The following ADGRB3 variants were observed in gnomAD, a reference collection of about 807,000 sequenced individuals.
ADGRB3 encodes the protein adhesion G protein-coupled receptor B3, also known as brain-specific angiogenesis inhibitor 3.
A neutral mutation model predicts 193.4 loss-of-function variants in ADGRB3; 37 were observed. The ratio of observed to expected loss-of-function variants is 0.19; its 90% CI spans 0.15 to 0.25. The LOEUF is 0.25. Ranked by LOEUF, ADGRB3 falls within the 10% of genes least tolerant of loss-of-function variation. ADGRB3 has a pLI of 1.00. For missense variants in ADGRB3, 1,637 were observed against 1,852.9 expected (o/e 0.88, Z 2.14); for synonymous variants, 690 against 644.2 (o/e 1.07, Z -1.08).
At chr6:68,962,030 T>G (rs944403595) in intron 8 of ADGRB3, among the ~76,000 whole-genome samples, 2 of 152,170 alleles carry the variant, frequency 1.3e-5, no homozygotes, top group Admixed American at 6.6e-5. Flanking sequence ...TACTCAAGTG[T>G]CCATACCAGT....
chr6:69,331,672 T>C, intron 23 of ADGRB3: 2 of 985,396 alleles, frequency 2.0e-6, no homozygotes, highest in Non-Finnish European at 2.4e-6. Context: ...CTGCTTTGAA[T>C]TTTTATTTAA....
At chr6:68,918,626 A>G (rs1021252427) in intron 3 of ADGRB3, among the ~76,000 whole-genome samples, 16 of 152,188 alleles carry the variant, frequency 1.1e-4, no homozygotes, top group Admixed American at 1.0e-3. Flanking sequence ...CTAGAAATTC[A>G]ACATCCTCTT....
At chr6:68,950,923 T>C (rs1767899263) in intron 6 of ADGRB3, among the ~76,000 whole-genome samples, 1 of 152,172 alleles carries the variant, frequency 6.6e-6, no homozygotes, top group Non-Finnish European at 1.5e-5. Flanking sequence ...TTCTTTTCTT[T>C]AAAATCTTTT....
At chr6:68,794,994 T>C (rs1032486726) in intron 3 of ADGRB3, among the ~76,000 whole-genome samples, 1 of 152,132 alleles carries the variant, frequency 6.6e-6, no homozygotes, top group Admixed American at 6.6e-5. Context: ...ACTATTATTT[T>C]TAACCATAAT....
At chr6:69,206,268 T>A (rs180729897) in intron 17 of ADGRB3, among the ~76,000 whole-genome samples, 107 of 151,946 alleles carry the variant, frequency 7.0e-4, no homozygotes, top group Non-Finnish European at 1.3e-4. Flanking sequence ...TTTTCTCATT[T>A]TTCTGCCTGC....
intron 23 of ADGRB3, chr6:69,332,492 T>C: frequency 1.0e-6 from 1 of 985,358 alleles, no homozygotes; most frequent in Non-Finnish European, 1.2e-6. Context: ...TAATGACAAA[T>C]CATCAGCACC....
chr6:69,073,417 G>A (rs190479341), intron 16 of ADGRB3, among the ~76,000 whole-genome samples: 17 of 152,130 alleles, frequency 1.1e-4, no homozygotes, highest in Admixed American at 6.5e-5. Flanking sequence ...GCTAAGAGCC[G>A]GGTTCTTGTT....
At chr6:68,969,078 T>C (rs894696695) in intron 8 of ADGRB3, among the ~76,000 whole-genome samples, 1 of 152,016 alleles carries the variant, frequency 6.6e-6, no homozygotes, top group African/African-American at 2.4e-5. Context: ...ACACATACTG[T>C]ATACTAGATA....
At chr6:68,792,692 C>A (rs1767130577) in intron 3 of ADGRB3, among the ~76,000 whole-genome samples, 1 of 152,108 alleles carries the variant, frequency 6.6e-6, no homozygotes, top group Non-Finnish European at 1.5e-5. Flanking sequence ...TTGTAAAAAC[C>A]AGTTGTTTTA....
intron 22 of ADGRB3, among the ~76,000 whole-genome samples, chr6:69,329,395 G>A (rs1768658845): frequency 6.6e-6 from 1 of 152,136 alleles, no homozygotes; most frequent in South Asian, 2.1e-4. Context: ...GTATATCTAT[G>A]CTGATATAGT....
At position 69,188,979 on chromosome 6, in the gene ADGRB3, T is replaced by A. The variant is rs918161926; in HGVS notation, c.2481-44311T>A. Among the ~76,000 whole-genome samples, 3 of 152,220 alleles carry A rather than the reference T, an allele frequency of 2.0e-5. No individual in the cohort carries two copies. In the South Asian group the frequency reaches 6.2e-4, roughly 31 times the overall value. On this transcript the variant is annotated intron_variant, in intron 17 of 31. Coordinates refer to ENST00000370598, the MANE Select transcript of ADGRB3 (RefSeq NM_001704.3). Reference sequence around the variant, plus strand: ...AAATAATATCACAAATGCTCTTTGGTATTTTACAGTGTAAGAAAGATTTTT... The same window carrying A: ...AAATAATATCACAAATGCTCTTTGGAATTTTACAGTGTAAGAAAGATTTTT...
chr6:69,293,670 C>T (rs753038070), intron 20 of ADGRB3, among the ~76,000 whole-genome samples: 2 of 152,156 alleles, frequency 1.3e-5, no homozygotes, highest in Admixed American at 6.6e-5. Flanking sequence ...CTACTCCCTC[C>T]CCATTTGTAA....
intron 23 of ADGRB3, 49 bp downstream of exon 23, chr6:69,330,621 G>A (rs1351668914): frequency 2.2e-6 from 3 of 1,344,120 alleles, no homozygotes; most frequent in Non-Finnish European, 3.1e-6. Flanking sequence ...AAAAAAAAAA[G>A]ACTACTTTCT....
rs767351428 is a variant in ADGRB3 at position 68,974,908 on chromosome 6, C to G, written c.1627+44C>G. 3 of 1,496,182 alleles carry G rather than the reference C, an allele frequency of 2.0e-6. No homozygotes were observed. The East Asian group carries it at 6.8e-5, about 34-fold the overall frequency. 92.7% of individuals were successfully genotyped at this position (1,496,182 alleles called of 1,614,324 possible). ...CCCAAACCCTAGTGATAATCCCCAT[C>G]CAAGAACAGCATGCAGTGTTGGTTT... On this transcript the variant is annotated intron_variant, in intron 9 of 31. Transcript: ENST00000370598.
At chr6:68,977,750 A>G (rs184617861) in intron 10 of ADGRB3, among the ~76,000 whole-genome samples, 1 of 152,240 alleles carries the variant, frequency 6.6e-6, no homozygotes, top group Admixed American at 6.6e-5. Context: ...CTAGGCTGGA[A>G]ACTTTCATAA....
intron 11 of ADGRB3, among the ~76,000 whole-genome samples, chr6:68,997,651 T>TTAAATAAA (rs67424530): frequency 3.0e-4 from 43 of 145,486 alleles, no homozygotes; most frequent in South Asian, 6.7e-4. Flanking sequence ...ACACTCTGTC[T>TTAAATAAA]TAAATAAATA....
At chr6:69,106,257 T>C (rs1582465137) in intron 17 of ADGRB3, among the ~76,000 whole-genome samples, 1 of 151,788 alleles carries the variant, frequency 6.6e-6, no homozygotes, top group South Asian at 2.1e-4. Flanking sequence ...ATTTTTATGT[T>C]ATATTTTTAT....
At chr6:69,161,797 G>A (rs1425922416) in intron 17 of ADGRB3, among the ~76,000 whole-genome samples, 1 of 152,016 alleles carries the variant, frequency 6.6e-6, no homozygotes, top group Non-Finnish European at 1.5e-5. Flanking sequence ...GAGAGCCTCA[G>A]TTATTTACTG....
chr6:68,671,596 G>A (rs934719752), intron 3 of ADGRB3, among the ~76,000 whole-genome samples: 2 of 151,932 alleles, frequency 1.3e-5, no homozygotes, highest in African/African-American at 4.8e-5. Context: ...TTCTGTCCCA[G>A]GAATAAATCC....
Sources: allele counts gnomAD v4.1 joint callset (sites outside exome capture counted in the v4.1 genomes callset), GRCh38; gene constraint gnomAD v4.1.1; transcripts MANE v1.5; gene names NCBI Gene and HGNC (gene_info 2026-07-23, HGNC 2026-07-21).